Variants in ENO4 observed in about 807,000 individuals in gnomAD.
ENO4 encodes the protein 2-phospho-D-glycerate hydro-lyase.
In ENO4, 53 loss-of-function variants were observed where a neutral mutation model predicts 63.2. The ratio of observed to expected loss-of-function variants is 0.84; its 90% CI spans 0.67 to 1.05. The LOEUF is 1.05. Ranked by LOEUF, ENO4 falls within the 50% of genes least tolerant of loss-of-function variation. ENO4 has a pLI of 0.00. For missense variants in ENO4, 719 were observed against 772.0 expected (o/e 0.93, Z 0.81); for synonymous variants, 266 against 283.8 (o/e 0.94, Z 0.63).
intron 3 of ENO4, among the ~76,000 whole-genome samples, chr10:116,857,473 A>G (rs926119849): frequency 6.6e-6 from 1 of 152,130 alleles, no homozygotes; most frequent in Admixed American, 6.6e-5. Context: ...TCATTCCCCA[A>G]CCAAGTAGTG....
chr10:116,884,283 AC>A (rs1158271242), downstream of ENO4: 2 of 458,468 alleles, frequency 4.4e-6, no homozygotes, highest in Non-Finnish European at 8.8e-6. Flanking sequence ...CAGGGGCAAA[AC>A]CCCCTCAAAA....
chr10:116,906,844 G>T, intron 10 of ENO4: 2 of 1,008,512 alleles, frequency 2.0e-6, no homozygotes, highest in African/African-American at 1.7e-5. Flanking sequence ...ACCAGAATTT[G>T]AATGGAATTA....
chr10:116,895,047 C>T (rs1280958826), intron 10 of ENO4, among the ~76,000 whole-genome samples: 4 of 152,176 alleles, frequency 2.6e-5, no homozygotes, highest in Non-Finnish European at 5.9e-5. Flanking sequence ...ATTGACCAAA[C>T]ATGAAGCTCT....
At chr10:116,878,767 G>C (rs1846909383) in intron 11 of ENO4, among the ~76,000 whole-genome samples, 1 of 112,940 alleles carries the variant, frequency 8.9e-6, no homozygotes, top group Non-Finnish European at 1.8e-5. Flanking sequence ...TTTTGAGACG[G>C]AGTCTTGCTC....
chr10:116,901,699 G>GA, intron 10 of ENO4: 1 of 1,418,352 alleles, frequency 7.1e-7, no homozygotes, highest in South Asian at 1.7e-5. Context: ...ACAAATCAAA[G>GA]AAACACACAA....
downstream of ENO4, chr10:116,886,245 G>A: frequency 6.7e-7 from 1 of 1,485,546 alleles, no homozygotes; most frequent in Non-Finnish European, 9.1e-7. Context: ...TGAATACAGT[G>A]ACCAGAGCAG....
intron 1 of ENO4, among the ~76,000 whole-genome samples, chr10:116,853,675 G>C (rs532779286): frequency 2.6e-5 from 4 of 152,160 alleles, no homozygotes; most frequent in Non-Finnish European, 5.9e-5. Flanking sequence ...ATAACACACA[G>C]AGTGTAAGCT....
intron 13 of ENO4, among the ~76,000 whole-genome samples, chr10:116,880,240 T>C (rs1249229303): frequency 1.3e-5 from 2 of 152,234 alleles, no homozygotes; most frequent in South Asian, 2.1e-4. Flanking sequence ...ATAGAATTAA[T>C]TGATTGGAAT....
chr10:116,878,126 A>G (rs185279358), intron 11 of ENO4, among the ~76,000 whole-genome samples: 10 of 152,308 alleles, frequency 6.6e-5, no homozygotes, highest in Non-Finnish European at 1.3e-4. Context: ...CACTTATACA[A>G]CTACCTAATG....
At chr10:116,852,084 G>A (rs562469811) in intron 1 of ENO4, among the ~76,000 whole-genome samples, 14 of 152,198 alleles carry the variant, frequency 9.2e-5, no homozygotes, top group African/African-American at 2.9e-4. Context: ...TGCTGTTCTC[G>A]TGATAGTGAC....
At chr10:116,870,944 T>G (rs1846675984) in intron 8 of ENO4, among the ~76,000 whole-genome samples, 181 bp from the exon 9 acceptor site, 1 of 152,114 alleles carries the variant, frequency 6.6e-6, no homozygotes, top group Admixed American at 6.6e-5. Flanking sequence ...AGAAAATTAC[T>G]CCCAGATACT....
In ENO4 at chr10:116,861,240, T is replaced by C. The variant is rs554429045; in HGVS notation, c.936+50T>C. The C allele has an allele frequency of 2.1e-5, 7 of 337,510 alleles. 1 individual carries two copies. The highest frequency in any genetic ancestry group is 1.7e-4 in the African/African-American group (7 of 41,754). The allele number at this position is 337,510 out of a possible 1,614,324, so 20.9% of individuals were successfully genotyped here. Reference sequence around the variant, plus strand: ...CTTTTCTAAAAAAAAAAAAAAAATATATATATATATATATATACTCCGTCA... The same window carrying C: ...CTTTTCTAAAAAAAAAAAAAAAATACATATATATATATATATACTCCGTCA... On this transcript the variant is annotated intron_variant, in intron 6 of 13. Transcript: ENST00000341276.
intron 7 of ENO4, among the ~76,000 whole-genome samples, chr10:116,864,641 G>C (rs1033710420): frequency 6.6e-6 from 1 of 152,086 alleles, no homozygotes; most frequent in African/African-American, 2.4e-5. Context: ...ACCTCCTACA[G>C]ACTGCCACCC....
At chr10:116,886,402 G>A, downstream of ENO4, 1 of 1,582,458 alleles carries the variant, frequency 6.3e-7, no homozygotes, top group Non-Finnish European at 8.6e-7. Flanking sequence ...TTTGTTTTCT[G>A]GTTGAATTTC....
chr10:116,887,512 T>TG (rs1401157558), downstream of ENO4, among the ~76,000 whole-genome samples: 8 of 152,100 alleles, frequency 5.3e-5, no homozygotes, highest in Admixed American at 5.2e-4. Context: ...TCCCACCTCT[T>TG]GGTGTTCCGC....
At chr10:116,852,241 G>A (rs181856888) in intron 1 of ENO4, among the ~76,000 whole-genome samples, 37 of 152,180 alleles carry the variant, frequency 2.4e-4, no homozygotes, top group Non-Finnish European at 4.4e-4. Flanking sequence ...GTGCAGAACT[G>A]TGAGTCAATT....
intron 10 of ENO4, among the ~76,000 whole-genome samples, chr10:116,911,240 GAC>G (rs1589799234): frequency 6.6e-6 from 1 of 152,094 alleles, no homozygotes; most frequent in Non-Finnish European, 1.5e-5. Context: ...ACTAGGAAGG[GAC>G]ACAAAGTATG....
At chr10:116,871,039 C>A in intron 8 of ENO4, 86 bp from the exon 9 acceptor site, 1 of 1,184,008 alleles carries the variant, frequency 8.4e-7, no homozygotes, top group Non-Finnish European at 1.2e-6. Flanking sequence ...AGAGCTATAT[C>A]TGATCATAAA....
intron 7 of ENO4, among the ~76,000 whole-genome samples, chr10:116,866,443 T>C (rs1481840616): frequency 1.3e-5 from 2 of 152,218 alleles, no homozygotes; most frequent in Non-Finnish European, 2.9e-5. Context: ...ATTTGGTTTC[T>C]ATTATGGTTC....
Sources: gnomAD v4.1 joint callset for allele counts (sites outside exome capture counted in the v4.1 genomes callset) on GRCh38, gnomAD v4.1.1 for gene constraint, MANE v1.5 for transcripts, NCBI Gene and HGNC (gene_info 2026-07-23, HGNC 2026-07-21) for gene names.